Variants in MEOX2 observed in about 807,000 individuals in gnomAD.
MEOX2 encodes the protein mesenchyme homeobox 2.
Under a neutral mutation model 27.0 loss-of-function variants are expected in MEOX2, and 11 were observed. That is an observed-to-expected ratio of 0.41 (90% confidence interval 0.26 to 0.68). The LOEUF is 0.68. Ranked by LOEUF, MEOX2 falls within the 30% of genes least tolerant of loss-of-function variation. The pLI is 0.33. For missense variants in MEOX2, 436 were observed against 385.4 expected (o/e 1.13, Z -1.10); for synonymous variants, 189 against 155.4 (o/e 1.22, Z -1.61).
At chr7:15,634,690 A>G (rs1419544733) in intron 1 of MEOX2, among the ~76,000 whole-genome samples, 1 of 151,954 alleles carries the variant, frequency 6.6e-6, no homozygotes, top group Non-Finnish European at 1.5e-5. Context: ...GACCAACATG[A>G]TTCATAAGTT....
chr7:15,652,687 T>G lies in MEOX2; in HGVS notation c.518-25769A>C, dbSNP rs145988509. ...CTGCAAGTTCTCTATGTCTGTAATT[T>G]TTGTCCTCTAGAGAATGCTATTTAT... On this transcript the variant is annotated intron_variant, in intron 1 of 2. Coordinates refer to ENST00000262041, the MANE Select transcript of MEOX2 (RefSeq NM_005924.5). 6.2e-3 allele frequency among the ~76,000 whole-genome samples: 946 copies of G among 152,160 alleles called. 10 individuals carry two copies. The highest frequency in any genetic ancestry group is 0.021 in the African/African-American group (873 of 41,558).
In MEOX2 at chr7:15,665,302, C is replaced by G. The variant is rs544835854; in HGVS notation, c.517+20584G>C. On this transcript the variant is annotated intron_variant, in intron 1 of 2. Coordinates refer to ENST00000262041, the MANE Select transcript of MEOX2 (RefSeq NM_005924.5). ...ACCTTAAAGTATGAAAAAAAAGCAC[C>G]TTAATCAATCAGCAGCCCTAATTAT... Among the ~76,000 whole-genome samples the G allele has an allele frequency of 3.9e-5, 6 of 152,034 alleles. No homozygotes were observed. The South Asian group carries it at 1.2e-3, about 32-fold the overall frequency.
intron 1 of MEOX2, chr7:15,679,896 C>G (rs1315549092): frequency 6.6e-6 from 1 of 150,998 alleles, no homozygotes. Flanking sequence ...TGTAAGAAAC[C>G]AAAAAAATGT....
Position 15,626,857 on chromosome 7 carries a change from T to G in MEOX2, c.579A>C (p.Ala193=). The G allele has an allele frequency of 6.2e-7, 1 of 1,612,296 alleles. No individual in the cohort carries two copies. The highest frequency in any genetic ancestry group is 8.5e-7 in the Non-Finnish European group (1 of 1,179,430). The change falls in exon 2 of 3, where the codon GCA becomes GCC. Residue 193 remains alanine (A), a synonymous_variant. Coordinates refer to ENST00000262041, the MANE Select transcript of MEOX2 (RefSeq NM_005924.5). ...VNSKPRKERT[A]FTKEQIRELE... Reference sequence around the variant, plus strand: ...GTTCTCTGATTTGCTCTTTGGTAAATGCTGTCCTTTCTTTCCTGGGTTTGC... The same window carrying G: ...GTTCTCTGATTTGCTCTTTGGTAAAGGCTGTCCTTTCTTTCCTGGGTTTGC...
At position 15,612,102 on chromosome 7, in the gene MEOX2, G is replaced by T; in HGVS notation, c.*285C>A. Reference sequence around the variant, plus strand: ...GCTCTTGATAGCAATTTAATTTTCAGTGCAAGCAAAAGCAAACACATACCT... The same window carrying T: ...GCTCTTGATAGCAATTTAATTTTCATTGCAAGCAAAAGCAAACACATACCT... On this transcript the variant is annotated 3_prime_UTR_variant, in exon 3 of 3. Transcript: ENST00000262041. 1 of 419,188 alleles carries T rather than the reference G, an allele frequency of 2.4e-6. No homozygotes were observed. Among genetic ancestry groups the T allele is most frequent in the Non-Finnish European group, 4.3e-6 (1 of 230,396 alleles). The allele number at this position is 419,188 out of a possible 1,614,324, so 26.0% of individuals were successfully genotyped here.
At chr7:15,619,863 A>C (rs1781192860) in intron 2 of MEOX2, among the ~76,000 whole-genome samples, 2 of 152,022 alleles carry the variant, frequency 1.3e-5, no homozygotes, top group African/African-American at 2.4e-5. Flanking sequence ...CTTATTTCTT[A>C]GTCTTTTACT....
intron 1 of MEOX2, among the ~76,000 whole-genome samples, chr7:15,682,704 A>G (rs1268992073): frequency 1.3e-5 from 2 of 151,930 alleles, no homozygotes; most frequent in Non-Finnish European, 2.9e-5. Flanking sequence ...TCCTACTACT[A>G]GATTGCTCAA....
intron 1 of MEOX2, among the ~76,000 whole-genome samples, chr7:15,649,976 G>C (rs1420774610): frequency 6.6e-6 from 1 of 152,042 alleles, no homozygotes; most frequent in Non-Finnish European, 1.5e-5. Context: ...TTGCCACAAA[G>C]CAATTTGGTC....
At chr7:15,620,445 G>A (rs1052134369) in intron 2 of MEOX2, among the ~76,000 whole-genome samples, 1 of 152,072 alleles carries the variant, frequency 6.6e-6, no homozygotes, top group Non-Finnish European at 1.5e-5. Context: ...GCGGGCTCCT[G>A]TAGTCCCAAC....
intron 1 of MEOX2, among the ~76,000 whole-genome samples, chr7:15,629,324 T>C (rs1781362664): frequency 6.6e-6 from 1 of 152,028 alleles, no homozygotes; most frequent in South Asian, 2.1e-4. Context: ...ACACACTCAT[T>C]GTAACTAGAA....
chr7:15,678,841 A>C (rs1782247141), intron 1 of MEOX2: 1 of 152,212 alleles, frequency 6.6e-6, no homozygotes, highest in Admixed American at 6.5e-5. Context: ...GGAGCCTGAC[A>C]GATGATTTCA....
chr7:15,658,913 G>T (rs1781865738), intron 1 of MEOX2, among the ~76,000 whole-genome samples: 1 of 152,156 alleles, frequency 6.6e-6, no homozygotes, highest in African/African-American at 2.4e-5. Flanking sequence ...ACAGTAACCT[G>T]AATTGACTAA....
intron 1 of MEOX2, among the ~76,000 whole-genome samples, chr7:15,642,831 T>C (rs1179473400): frequency 6.6e-6 from 1 of 152,196 alleles, no homozygotes; most frequent in African/African-American, 2.4e-5. Flanking sequence ...TCCCTTTAGC[T>C]TTGTTTCTTT....
rs149456772 is a variant in MEOX2, at chr7:15,669,343, T to C, written c.517+16543A>G. Among the ~76,000 whole-genome samples the C allele has an allele frequency of 8.5e-5, 13 of 152,338 alleles. No individual in the cohort carries two copies. In the East Asian group the frequency reaches 1.3e-3, roughly 16 times the overall value. On this transcript the variant is annotated intron_variant, in intron 1 of 2. Transcript: ENST00000262041. ...TCAAGTGCTATAATATGTATATTTGTTTTTTGTGTTTCTAAGATATCCTGA... is the reference window on the plus strand; with the variant it reads ...TCAAGTGCTATAATATGTATATTTGCTTTTTGTGTTTCTAAGATATCCTGA...
intron 2 of MEOX2, among the ~76,000 whole-genome samples, chr7:15,614,249 T>G (rs1218747918): frequency 6.7e-6 from 1 of 148,726 alleles, no homozygotes; most frequent in African/African-American, 2.5e-5. Context: ...TAAAATAAAA[T>G]AAAATAAAAT....
chr7:15,670,829 A>G (rs1782082843), intron 1 of MEOX2, among the ~76,000 whole-genome samples: 1 of 152,190 alleles, frequency 6.6e-6, no homozygotes, highest in Non-Finnish European at 1.5e-5. Flanking sequence ...TATTTAGACT[A>G]CGGGGTCCTT....
rs548577415 is a variant in MEOX2 at position 15,660,724 on chromosome 7, T to C, written c.517+25162A>G. Among the ~76,000 whole-genome samples the C allele has an allele frequency of 3.3e-5, 5 of 152,070 alleles. 1 individual carries two copies. Among genetic ancestry groups the C allele is most frequent in the African/African-American group, 1.2e-4 (5 of 41,498 alleles). On this transcript the variant is annotated intron_variant, in intron 1 of 2. Coordinates refer to ENST00000262041, the MANE Select transcript of MEOX2 (RefSeq NM_005924.5). Reference sequence around the variant, plus strand: ...GGTTAAATCCACGGTCACCATTGCTTTAAAAATGAGAAAGGAGCCAGGCGT... The same window carrying C: ...GGTTAAATCCACGGTCACCATTGCTCTAAAAATGAGAAAGGAGCCAGGCGT...
intron 1 of MEOX2, among the ~76,000 whole-genome samples, chr7:15,638,861 AT>A (rs1781521728): frequency 6.6e-6 from 1 of 152,076 alleles, no homozygotes; most frequent in East Asian, 1.9e-4. Context: ...ATATATCACA[AT>A]TTCTTTACGC....
chr7:15,613,158 T>A (rs7783223), intron 2 of MEOX2, among the ~76,000 whole-genome samples: 4 of 151,850 alleles, frequency 2.6e-5, no homozygotes, highest in Non-Finnish European at 4.4e-5. Context: ...TGAACTCTTC[T>A]TTTTATTTTC....
Sources: gnomAD v4.1 joint callset for allele counts (sites outside exome capture counted in the v4.1 genomes callset) on GRCh38, gnomAD v4.1.1 for gene constraint, MANE v1.5 for transcripts, NCBI Gene and HGNC (gene_info 2026-07-23, HGNC 2026-07-21) for gene names.